RAB10: variants seen among roughly 807,000 people sequenced by gnomAD.
The protein encoded by RAB10 is RAB10, member RAS oncogene family.
RAB10 carries 5 observed loss-of-function variants against 25.7 expected under a neutral mutation model. The ratio of observed to expected loss-of-function variants is 0.19; its 90% CI spans 0.10 to 0.41. The LOEUF (loss-of-function observed/expected upper bound fraction) is 0.41. Ranked by LOEUF, RAB10 falls within the 10% of genes least tolerant of loss-of-function variation. The pLI is 1.00. For missense variants in RAB10, 103 were observed against 245.8 expected (o/e 0.42, Z 3.89); for synonymous variants, 89 against 86.4 (o/e 1.03, Z -0.16).
chr2:26,084,924 C>G (rs1351235407), intron 1 of RAB10, among the ~76,000 whole-genome samples: 2 of 152,116 alleles, frequency 1.3e-5, no homozygotes, highest in African/African-American at 4.8e-5. Context: ...TTTTGCAGAA[C>G]TAAAGGGTTA....
chr2:26,039,360 T>C (rs1665834672), intron 1 of RAB10, among the ~76,000 whole-genome samples: 2 of 151,300 alleles, frequency 1.3e-5, no homozygotes, highest in African/African-American at 4.9e-5. Context: ...TTTTTTTTCT[T>C]TTTGAGATGG....
chr2:26,055,903 CTTTTTT>C (rs35228750), intron 1 of RAB10, among the ~76,000 whole-genome samples: 1 of 148,280 alleles, frequency 6.7e-6, no homozygotes, highest in Non-Finnish European at 1.5e-5. Context: ...ACTTTTTTTT[CTTTTTT>C]TTTTGAGACA....
At chr2:26,132,011 C>T (rs1408608562) in intron 5 of RAB10, among the ~76,000 whole-genome samples, 1 of 152,166 alleles carries the variant, frequency 6.6e-6, no homozygotes, top group Non-Finnish European at 1.5e-5. Context: ...ATTTGAAGGA[C>T]AGATTCTGAG....
chr2:26,092,261 C>CTGTGTGTGTGTG (rs56875863), intron 1 of RAB10, among the ~76,000 whole-genome samples: 1 of 130,886 alleles, frequency 7.6e-6, no homozygotes, highest in Non-Finnish European at 1.6e-5. Context: ...ATAGTGAGAG[C>CTGTGTGTGTGTG]TGTGTGTGTG....
chr2:26,120,875 C>A (rs1289115654), intron 3 of RAB10, among the ~76,000 whole-genome samples: 1 of 151,944 alleles, frequency 6.6e-6, no homozygotes, highest in Admixed American at 6.6e-5. Flanking sequence ...TAGGCATGAG[C>A]CACCGCATCC....
intron 1 of RAB10, among the ~76,000 whole-genome samples, chr2:26,061,779 C>T (rs1198940044): frequency 8.1e-6 from 1 of 123,730 alleles, no homozygotes; most frequent in Non-Finnish European, 1.6e-5. Context: ...GTTTTTGAGA[C>T]AGAATGTCAC....
chr2:26,128,197 C>A (rs746006493), intron 5 of RAB10, among the ~76,000 whole-genome samples: 1 of 152,210 alleles, frequency 6.6e-6, no homozygotes, highest in South Asian at 2.1e-4. Flanking sequence ...GTTAGATCCT[C>A]CTAAGGAGCA....
intron 1 of RAB10, among the ~76,000 whole-genome samples, chr2:26,039,555 G>T (rs1227474847): frequency 1.3e-5 from 2 of 151,732 alleles, no homozygotes; most frequent in Non-Finnish European, 2.9e-5. Flanking sequence ...TGCCATGTTG[G>T]CCAGGCTGGT....
At chr2:26,123,190 A>T (rs973039392) in intron 3 of RAB10, among the ~76,000 whole-genome samples, 1 of 152,208 alleles carries the variant, frequency 6.6e-6, no homozygotes, top group Non-Finnish European at 1.5e-5. Context: ...ATACCTTGCC[A>T]TTATGGGACA....
chr2:26,128,252 A>G (rs552597958), intron 5 of RAB10, among the ~76,000 whole-genome samples: 56 of 152,224 alleles, frequency 3.7e-4, no homozygotes, highest in African/African-American at 1.3e-3. Flanking sequence ...TGGGGTTTGC[A>G]CTCCTATGAG....
intron 1 of RAB10, among the ~76,000 whole-genome samples, chr2:26,076,284 T>C (rs570614392): frequency 4.6e-5 from 7 of 152,296 alleles, no homozygotes; most frequent in African/African-American, 1.2e-4. Flanking sequence ...CCAGAGACCA[T>C]GTTTTTCTGA....
rs1445941262 is a variant in RAB10, at chr2:26,136,888, G to A, written c.*1867G>A. 1.3e-5 allele frequency: 2 copies of A among 152,572 alleles called. No homozygotes were observed. Among genetic ancestry groups the A allele is most frequent in the Non-Finnish European group, 2.9e-5 (2 of 68,022 alleles). 9.5% of individuals were successfully genotyped at this position (152,572 alleles called of 1,614,324 possible). A position where few individuals can be genotyped will look rare whatever the true frequency, so the allele number is the denominator to read the frequency against. On this transcript the variant is annotated 3_prime_UTR_variant, in exon 6 of 6. Transcript: ENST00000264710. ...TTTACTACTAGTAAAAAGCAGCATT[G>A]CCAAATAATCCCTAATTTTCCACTA...
chr2:26,106,636 A>C (rs1008644569), intron 2 of RAB10, among the ~76,000 whole-genome samples: 2 of 152,220 alleles, frequency 1.3e-5, no homozygotes, highest in African/African-American at 4.8e-5. Flanking sequence ...CTATAACCCC[A>C]GCACTTTCGG....
intron 1 of RAB10, among the ~76,000 whole-genome samples, chr2:26,057,599 A>T (rs1666295521): frequency 3.5e-5 from 1 of 28,710 alleles, no homozygotes; most frequent in African/African-American, 1.3e-4. Context: ...TTTGTCCCTT[A>T]TTTGACTAAA....
At chr2:26,081,047 T>C (rs1301044669) in intron 1 of RAB10, among the ~76,000 whole-genome samples, 1 of 152,124 alleles carries the variant, frequency 6.6e-6, no homozygotes, top group Non-Finnish European at 1.5e-5. Flanking sequence ...GACGGGTCTT[T>C]CCTGTGATAG....
intron 1 of RAB10, among the ~76,000 whole-genome samples, chr2:26,066,899 C>A (rs1293679719): frequency 6.6e-6 from 1 of 151,622 alleles, no homozygotes; most frequent in African/African-American, 2.4e-5. Context: ...TCTTCTGCCT[C>A]AGCCTCTTGA....
intron 1 of RAB10, among the ~76,000 whole-genome samples, chr2:26,046,092 A>C (rs1183370107): frequency 6.6e-6 from 1 of 152,232 alleles, no homozygotes; most frequent in East Asian, 1.9e-4. Context: ...TGGGAGGCCA[A>C]GGCCGGTGGA....
At chr2:26,116,680 C>T (rs1667696213) in intron 3 of RAB10, among the ~76,000 whole-genome samples, 1 of 151,264 alleles carries the variant, frequency 6.6e-6, no homozygotes, top group Non-Finnish European at 1.5e-5. Flanking sequence ...CCTCAGCCTC[C>T]CGAGTAGCTG....
Position 26,135,061 on chromosome 2 carries a change from T to A in RAB10, c.*40T>A. The A allele has an allele frequency of 6.6e-7, 1 of 1,518,786 alleles. No homozygotes were observed. The highest frequency in any genetic ancestry group is 9.1e-7 in the Non-Finnish European group (1 of 1,101,260). The allele number at this position is 1,518,786 out of a possible 1,614,324, so 94.1% of individuals were successfully genotyped here. A position where few individuals can be genotyped will look rare whatever the true frequency, so the allele number is the denominator to read the frequency against. On this transcript the variant is annotated 3_prime_UTR_variant, in exon 6 of 6. Coordinates refer to ENST00000264710, the MANE Select transcript of RAB10 (RefSeq NM_016131.5). ...CATCAGTTGCCATCCACTACCCCGT[T>A]TTCTCTTCTTGCTGCAAAATAAACC...
Sources: allele counts gnomAD v4.1 joint callset (sites outside exome capture counted in the v4.1 genomes callset), GRCh38; gene constraint gnomAD v4.1.1; transcripts MANE v1.5; gene names NCBI Gene and HGNC (gene_info 2026-07-23, HGNC 2026-07-21).